Variants in DOCK1 observed in about 807,000 individuals in gnomAD.
The protein encoded by DOCK1 is dedicator of cytokinesis protein 1.
A neutral mutation model predicts 262.7 loss-of-function variants in DOCK1; 138 were observed. The observed-to-expected ratio is 0.53, with a 90% CI of 0.46 to 0.61. The LOEUF (loss-of-function observed/expected upper bound fraction) is 0.61. Among genes scored for constraint, DOCK1 ranks in the 20% least tolerant of loss-of-function variants. DOCK1 has a pLI of 0.00. For synonymous variants in DOCK1, 866 were observed against 867.4 expected, an observed-to-expected ratio of 1.00 and a Z score of 0.03; for missense variants, 1,908 against 2,370.7, an observed-to-expected ratio of 0.80 and a Z score of 4.05.
In DOCK1 at chr10:127,111,966, A is replaced by C. The variant is rs144095128; in HGVS notation, c.2623+1612A>C. On this transcript the variant is annotated intron_variant, in intron 25 of 51. Coordinates refer to ENST00000623213, the MANE Select transcript of DOCK1 (RefSeq NM_001290223.2). ...GTTGCAAAACTTTGTTCTGTATGTC[A>C]TTTAGTTTCTTTGAATAAGGATGTA... Among the ~76,000 whole-genome samples, 60 of 151,328 alleles carry C rather than the reference A, an allele frequency of 4.0e-4. No homozygotes were observed. The East Asian group carries it at 0.011, about 29-fold the overall frequency.
intron 27 of DOCK1, among the ~76,000 whole-genome samples, chr10:127,177,732 G>A (rs1432133146): frequency 1.3e-5 from 2 of 152,240 alleles, no homozygotes; most frequent in Non-Finnish European, 2.9e-5. Context: ...ATTGGAAAAT[G>A]CCACAAGAAC....
At chr10:127,320,646 A>G (rs2062479165) in intron 29 of DOCK1, among the ~76,000 whole-genome samples, 1 of 152,194 alleles carries the variant, frequency 6.6e-6, no homozygotes, top group Non-Finnish European at 1.5e-5. Flanking sequence ...GAGAGAAGAG[A>G]CAGAGACAAG....
intron 10 of DOCK1, among the ~76,000 whole-genome samples, chr10:127,004,772 A>ACC (rs1341119813): frequency 6.7e-5 from 1 of 15,008 alleles, no homozygotes; most frequent in Non-Finnish European, 1.4e-4. Context: ...CTGCCCCGCC[A>ACC]CCCCCCCGCC....
chr10:127,291,881 C>T (rs937820950), intron 29 of DOCK1, among the ~76,000 whole-genome samples: 3 of 152,186 alleles, frequency 2.0e-5, no homozygotes, highest in African/African-American at 7.2e-5. Flanking sequence ...GGTAGGAAGG[C>T]CTGTGTGAGG....
At chr10:127,187,310 T>G (rs2056363588) in intron 27 of DOCK1, among the ~76,000 whole-genome samples, 1 of 152,200 alleles carries the variant, frequency 6.6e-6, no homozygotes, top group South Asian at 2.1e-4. Context: ...AGCAAAAGCC[T>G]GTGTAGTTCA....
chr10:127,139,631 C>T lies in DOCK1; in HGVS notation c.2847+11867C>T, dbSNP rs80010358. ...AAGGCTGTGCTGCATTAATGAAATC[C>T]GGGCCTCAGTTCCGTGATGTGGTGC... On this transcript the variant is annotated intron_variant, in intron 27 of 51. Coordinates refer to ENST00000623213, the MANE Select transcript of DOCK1 (RefSeq NM_001290223.2). Among the ~76,000 whole-genome samples, 749 of 152,206 alleles carry T rather than the reference C, an allele frequency of 4.9e-3. 3 individuals are homozygous for T. Among genetic ancestry groups the T allele is most frequent in the African/African-American group, 0.016 (665 of 41,522 alleles).
rs376364953 is a variant in DOCK1, at chr10:127,200,235, G to T, written c.2848-47773G>T. On this transcript the variant is annotated intron_variant, in intron 27 of 51. Transcript: ENST00000623213. ...AAAACAAGTTTATTAAGAGAATAAA[G>T]TAGTGAAAGAACAGCTACTCCATAG... Among the ~76,000 whole-genome samples the T allele has an allele frequency of 1.1e-4, 16 of 152,306 alleles. No individual in the cohort carries two copies. The East Asian group carries it at 2.9e-3, about 28-fold the overall frequency.
chr10:127,008,730 A>T lies in DOCK1; in HGVS notation c.986-2A>T. 1.3e-6 allele frequency: 2 copies of T among 1,587,352 alleles called. No individual in the cohort carries two copies. The highest frequency in any genetic ancestry group is 1.7e-6 in the Non-Finnish European group (2 of 1,165,544). On this transcript the variant is annotated splice_acceptor_variant, in intron 10 of 51. Coordinates refer to ENST00000623213, the MANE Select transcript of DOCK1 (RefSeq NM_001290223.2). LOFTEE classifies it high-confidence loss of function. ...CAATCTCTGTTCTCTTTTTGTCTCCAGTGATGGATGTAACAGATATAATAA... is the reference window on the plus strand; with the variant it reads ...CAATCTCTGTTCTCTTTTTGTCTCCTGTGATGGATGTAACAGATATAATAA...
At chr10:127,058,187 A>G (rs941674875) in intron 22 of DOCK1, among the ~76,000 whole-genome samples, 4 of 152,110 alleles carry the variant, frequency 2.6e-5, no homozygotes, top group African/African-American at 9.7e-5. Flanking sequence ...TTTACTCATG[A>G]GAGGTTCTGG....
At position 127,175,693 on chromosome 10, in the gene DOCK1, G is replaced by C; in HGVS notation, c.2847+47929G>C. On this transcript the variant is annotated intron_variant, in intron 27 of 51. Coordinates refer to ENST00000623213, the MANE Select transcript of DOCK1 (RefSeq NM_001290223.2). This position sits in a 1 kb window ranked among gnomAD's most constrained non-coding sequence, Gnocchi z 6.3. ...GGTGGAGCGGGCTCCTCGGAGTTTG[G>C]CCTCCCCCGGTCCTGCTTGGCCCTC... The C allele has an allele frequency of 1.2e-6, 2 of 1,613,820 alleles. 1 individual carries two copies. Among genetic ancestry groups the C allele is most frequent in the South Asian group, 2.2e-5 (2 of 91,050 alleles).
chr10:127,207,076 G>C (rs778614910), intron 27 of DOCK1, among the ~76,000 whole-genome samples: 2 of 152,130 alleles, frequency 1.3e-5, no homozygotes, highest in Non-Finnish European at 2.9e-5. Flanking sequence ...GAATAGGACC[G>C]CAATTGCCAG....
chr10:127,173,447 T>A (rs1476172997), intron 27 of DOCK1, among the ~76,000 whole-genome samples: 1 of 152,102 alleles, frequency 6.6e-6, no homozygotes, highest in Non-Finnish European at 1.5e-5. Context: ...CTAAGAGGAG[T>A]GTAAGAAGGC....
At chr10:127,425,045 A>C (rs2068734578) in intron 46 of DOCK1, among the ~76,000 whole-genome samples, 1 of 150,942 alleles carries the variant, frequency 6.6e-6, no homozygotes, top group Non-Finnish European at 1.5e-5. Flanking sequence ...CGTTCATACT[A>C]ATAAATCTGC....
intron 32 of DOCK1, among the ~76,000 whole-genome samples, chr10:127,356,766 G>A (rs1446675862): frequency 6.6e-6 from 1 of 152,148 alleles, no homozygotes; most frequent in Admixed American, 6.5e-5. Flanking sequence ...TGGGCTCTCA[G>A]GGCAGACCCC....
At chr10:127,108,526 C>T (rs1231412850) in intron 24 of DOCK1, among the ~76,000 whole-genome samples, 1 of 152,142 alleles carries the variant, frequency 6.6e-6, no homozygotes, top group East Asian at 1.9e-4. Context: ...GCAGAAATTG[C>T]AGTGAGCCTG....
At chr10:127,036,672 T>C (rs528892912) in intron 18 of DOCK1, among the ~76,000 whole-genome samples, 2 of 152,194 alleles carry the variant, frequency 1.3e-5, no homozygotes, top group East Asian at 3.9e-4. Flanking sequence ...TCCTGACTTC[T>C]TACCTTAAAG....
At chr10:127,241,603 T>C (rs894642582) in intron 27 of DOCK1, among the ~76,000 whole-genome samples, 1 of 152,170 alleles carries the variant, frequency 6.6e-6, no homozygotes, top group African/African-American at 2.4e-5. Context: ...GCTTATGTTC[T>C]CTTTGGCTGG....
chr10:127,251,136 T>A (rs1047351802), intron 28 of DOCK1, among the ~76,000 whole-genome samples: 3 of 151,638 alleles, frequency 2.0e-5, no homozygotes, highest in Non-Finnish European at 4.4e-5. Context: ...CTAATTTTTT[T>A]TGTATTTTTT....
At chr10:126,955,767 G>A (rs1365979083) in intron 1 of DOCK1, among the ~76,000 whole-genome samples, 2 of 152,148 alleles carry the variant, frequency 1.3e-5, no homozygotes, top group African/African-American at 4.8e-5. Flanking sequence ...CACAGGGGCT[G>A]TGAGCAGTTC....
Sources: gnomAD v4.1 joint callset for allele counts (sites outside exome capture counted in the v4.1 genomes callset) on GRCh38, gnomAD v4.1.1 for gene constraint, Gnocchi (gnomAD v3.1) non-coding constraint, MANE v1.5 for transcripts, NCBI Gene and HGNC (gene_info 2026-07-23, HGNC 2026-07-21) for gene names.